DMD: variants seen among roughly 807,000 people sequenced by gnomAD.
DMD encodes dystrophin.
A neutral mutation model predicts 330.1 loss-of-function variants in DMD; 63 were observed. The ratio of observed to expected loss-of-function variants is 0.19; its 90% CI spans 0.16 to 0.24. The LOEUF is 0.24. Ranked by LOEUF, DMD falls within the 10% of genes least tolerant of loss-of-function variation. The pLI, the probability that DMD is intolerant of heterozygous loss-of-function variation, is 1.00. For missense variants in DMD, 3,344 were observed against 2,684.1 expected (o/e 1.25, Z -5.43); for synonymous variants, 1,223 against 959.8 (o/e 1.27, Z -5.07).
intron 32 of DMD, 100 bp from the exon 33 acceptor site, chrX:32,386,565 C>A: frequency 2.6e-6 from 2 of 779,932 alleles, no homozygotes. Context: ...ATTGCTATTC[C>A]ATGTTTGAAA....
intron 1 of DMD, among the ~76,000 whole-genome samples, chrX:33,022,448 G>A (rs1236096006): frequency 9.0e-6 from 1 of 110,571 alleles, no homozygotes; most frequent in Non-Finnish European, 1.9e-5. Flanking sequence ...TTTGCTAGTT[G>A]TCCTCTCTCA....
intron 59 of DMD, among the ~76,000 whole-genome samples, chrX:31,447,101 G>A (rs111242134): frequency 4.6e-4 from 51 of 111,005 alleles, no homozygotes; most frequent in African/African-American, 1.7e-3. Context: ...CCAAATTCCT[G>A]AGCACACATA....
chrX:32,164,023 T>C (rs1260839030), intron 44 of DMD, among the ~76,000 whole-genome samples: 1 of 111,493 alleles, frequency 9.0e-6, no homozygotes, highest in Non-Finnish European at 1.9e-5. Context: ...TCCCCTTCCT[T>C]GAGATTTCTG....
chrX:31,988,694 A>G (rs1398493493), intron 44 of DMD, among the ~76,000 whole-genome samples: 1 of 109,754 alleles, frequency 9.1e-6, no homozygotes, highest in Non-Finnish European at 1.9e-5. Flanking sequence ...TTTTATACCA[A>G]TTTTATAACT....
Position 31,419,729 on chromosome X carries a change from T to C in DMD, c.9084+24752A>G, listed in dbSNP as rs1462385295. On this transcript the variant is annotated intron_variant, in intron 60 of 78. Transcript: ENST00000357033. Reference sequence around the variant, plus strand: ...AATTAGTACTTGTGACCTGAGTAAATGGATAAAGACCTCAGCAAGGAGATC... The same window carrying C: ...AATTAGTACTTGTGACCTGAGTAAACGGATAAAGACCTCAGCAAGGAGATC... 6.3e-5 allele frequency among the ~76,000 whole-genome samples: 7 copies of C among 111,576 alleles called. No homozygotes were observed. In the Admixed American group the frequency reaches 6.7e-4, roughly 11 times the overall value.
At chrX:31,764,605 C>T (rs768406727) in intron 51 of DMD, among the ~76,000 whole-genome samples, 2 of 111,764 alleles carry the variant, frequency 1.8e-5, no homozygotes, top group South Asian at 7.4e-4. Context: ...TATCTATATG[C>T]TTTTGGCAAA....
chrX:32,051,847 C>A (rs969175133), intron 44 of DMD, among the ~76,000 whole-genome samples: 14 of 111,103 alleles, frequency 1.3e-4, no homozygotes, highest in Non-Finnish European at 2.6e-4. Context: ...AAACTAGATT[C>A]TCTCTCCACC....
At chrX:32,060,529 T>G (rs2096215331) in intron 44 of DMD, among the ~76,000 whole-genome samples, 1 of 111,396 alleles carries the variant, frequency 9.0e-6, no homozygotes, top group Non-Finnish European at 1.9e-5. Context: ...GTTTGCTACT[T>G]CCTTCATTGT....
At chrX:32,987,957 C>T (rs1003381338) in intron 2 of DMD, among the ~76,000 whole-genome samples, 1 of 108,641 alleles carries the variant, frequency 9.2e-6, no homozygotes, top group Admixed American at 1.0e-4. Context: ...TAACAAAACA[C>T]AGGAAAATCA....
intron 44 of DMD, among the ~76,000 whole-genome samples, chrX:32,084,272 G>C: frequency 9.0e-6 from 1 of 110,900 alleles, no homozygotes; most frequent in East Asian, 2.8e-4. Flanking sequence ...GTGTTGAGGG[G>C]TCATTTGTGT....
chrX:32,190,514 A>G (rs1251013921), intron 44 of DMD, among the ~76,000 whole-genome samples: 1 of 96,774 alleles, frequency 1.0e-5, no homozygotes, highest in Non-Finnish European at 2.0e-5. Flanking sequence ...TTTCATAAAC[A>G]TTGTCGTCAT....
rs2058220541 is a variant in DMD, at chrX:31,348,461, T to TATAATTC, written c.9163+88_9163+94dup. On this transcript the variant is annotated intron_variant, in intron 61 of 78. Transcript: ENST00000357033. Reference sequence around the variant, plus strand: ...TCTACTGCATCTGATAAAAGATTACTATAATTCAACTCTTAATTCTTTTGT... The same window carrying TATAATTC: ...TCTACTGCATCTGATAAAAGATTACTATAATTCATAATTCAACTCTTAATTCTTTTGT... 10 of 769,178 alleles carry TATAATTC rather than the reference T, an allele frequency of 1.3e-5. No homozygotes were observed. The East Asian group carries it at 3.5e-4, about 27-fold the overall frequency. The allele number at this position is 769,178 out of a possible 1,213,427, so 63.4% of individuals were successfully genotyped here.
At chrX:32,133,252 C>T (rs780378652) in intron 44 of DMD, among the ~76,000 whole-genome samples, 18 of 109,684 alleles carry the variant, frequency 1.6e-4, no homozygotes, top group East Asian at 5.8e-4. Context: ...GTGATCTGCC[C>T]GCCTCGGCCT....
rs377615262 is a variant in DMD, at chrX:32,132,993, CTTTTTTTTTTTTTTTTTTTTT to C, written c.6438+83902_6438+83922del. 1.6e-4 allele frequency among the ~76,000 whole-genome samples: 12 copies of C among 75,977 alleles called. No homozygotes were observed. The South Asian group carries it at 6.8e-3, about 43-fold the overall frequency. 66.0% of individuals were successfully genotyped at this position (75,977 alleles called of 115,157 possible). A position where few individuals can be genotyped will look rare whatever the true frequency, so the allele number is the denominator to read the frequency against. ...TCTCATTGATCACTCCTTTTCTTTT[CTTTTTTTTTTTTTTTTTTTTT>C]TTTTTTTTTTTAGATGAAGTCTCGC... On this transcript the variant is annotated intron_variant, in intron 44 of 78. Coordinates refer to ENST00000357033, the MANE Select transcript of DMD (RefSeq NM_004006.3).
At chrX:32,450,593 C>G (rs1040681348) in intron 26 of DMD, among the ~76,000 whole-genome samples, 1 of 110,283 alleles carries the variant, frequency 9.1e-6, no homozygotes, top group Non-Finnish European at 1.9e-5. Context: ...CCCAAACCTT[C>G]TCGGATGTGT....
intron 1 of DMD, among the ~76,000 whole-genome samples, chrX:33,048,375 T>C (rs1457286452): frequency 9.0e-6 from 1 of 111,172 alleles, no homozygotes; most frequent in Admixed American, 9.7e-5. Context: ...AGCAGACCTT[T>C]ACACTGAAAA....
intron 2 of DMD, among the ~76,000 whole-genome samples, chrX:32,949,393 G>GAT (rs1479566900): frequency 9.2e-6 from 1 of 108,744 alleles, no homozygotes; most frequent in African/African-American, 3.4e-5. Flanking sequence ...TAGATAGATA[G>GAT]ACAGACAGAC....
chrX:33,244,517 C>G (rs145868743), intron 1 of DMD, among the ~76,000 whole-genome samples: 217 of 111,859 alleles, frequency 1.9e-3, no homozygotes, highest in African/African-American at 6.6e-3. Context: ...GAGTTCAACT[C>G]AAGCTATTTC....
chrX:32,998,901 A>T (rs931189385), intron 2 of DMD, among the ~76,000 whole-genome samples: 2 of 112,083 alleles, frequency 1.8e-5, no homozygotes, highest in African/African-American at 6.5e-5. Flanking sequence ...CTAGTAATGT[A>T]AAATGGTGGG....
Sources: allele counts gnomAD v4.1 joint callset (sites outside exome capture counted in the v4.1 genomes callset), GRCh38; gene constraint gnomAD v4.1.1; transcripts MANE v1.5; gene names NCBI Gene and HGNC (gene_info 2026-07-23, HGNC 2026-07-21).